The following NKAIN4 variants were observed in gnomAD, a reference collection of about 807,000 sequenced individuals.
The protein encoded by NKAIN4 is sodium/potassium transporting ATPase interacting 4, also known as sodium/potassium-transporting ATPase subunit beta-1-interacting protein 4.
In NKAIN4, 28 loss-of-function variants were observed where a neutral mutation model predicts 28.8. The ratio of observed to expected loss-of-function variants is 0.97; its 90% CI spans 0.72 to 1.33. The LOEUF (loss-of-function observed/expected upper bound fraction) is 1.33. Ranked by LOEUF, NKAIN4 falls within the 40% of genes most tolerant of loss-of-function variation. NKAIN4 has a pLI of 0.00. For missense variants in NKAIN4, 289 were observed against 277.2 expected, an observed-to-expected ratio of 1.04 and a Z score of -0.30; for synonymous variants, 122 against 115.6, an observed-to-expected ratio of 1.06 and a Z score of -0.36.
chr20:63,243,628 A>G (rs934849913), intron 5 of NKAIN4, among the ~76,000 whole-genome samples: 3 of 152,174 alleles, frequency 2.0e-5, no homozygotes, highest in Non-Finnish European at 2.9e-5. Context: ...AGATGGGTCC[A>G]GGCTGCCACC....
intron 4 of NKAIN4, among the ~76,000 whole-genome samples, chr20:63,246,297 G>A (rs1032516306): frequency 3.3e-5 from 5 of 151,096 alleles, no homozygotes. Context: ...TTGGGAAATT[G>A]GCTCTTTCTC....
intron 4 of NKAIN4, chr20:63,247,221 G>A: frequency 8.3e-7 from 1 of 1,201,760 alleles, no homozygotes. Flanking sequence ...CGCATGGATG[G>A]GTTTGTCAGG....
chr20:63,254,485 C>A (rs1351604913), upstream of NKAIN4: 1 of 1,286,844 alleles, frequency 7.8e-7, no homozygotes, highest in South Asian at 2.3e-5. Flanking sequence ...CCGGGTGCCC[C>A]GCGCTCGGCC....
chr20:63,246,524 G>T (rs115519883), intron 4 of NKAIN4: 1 of 985,294 alleles, frequency 1.0e-6, no homozygotes, highest in African/African-American at 1.7e-5. Context: ...GAGGCCACCC[G>T]CACCGTCACG....
chr20:63,241,559 T>C, intron 6 of NKAIN4, 53 bp from the exon 7 acceptor site: 2 of 1,491,642 alleles, frequency 1.3e-6, no homozygotes, highest in Non-Finnish European at 1.8e-6. Flanking sequence ...GGGCAGCCAC[T>C]GGGGGCTGCC....
upstream of NKAIN4, chr20:63,254,747 C>T (rs1344591274): frequency 3.8e-6 from 1 of 265,012 alleles, no homozygotes; most frequent in Non-Finnish European, 7.1e-6. Flanking sequence ...CCAGGACAGA[C>T]CTGCAGCTGA....
chr20:63,241,295 A>G lies in NKAIN4; in HGVS notation c.*202T>C. 1 of 556,692 alleles carries G rather than the reference A, an allele frequency of 1.8e-6. No homozygotes were observed. Among genetic ancestry groups the G allele is most frequent in the Non-Finnish European group, 3.2e-6 (1 of 311,868 alleles). The allele number at this position is 556,692 out of a possible 1,614,324, so 34.5% of individuals were successfully genotyped here. On this transcript the variant is annotated 3_prime_UTR_variant, in exon 7 of 7. Transcript: ENST00000370316. ...TTTTTTTAAGAGAAAGGAAATTACA[A>G]ACTCTCTTGACGCTGCAGCCAGCCG...
chr20:63,242,510 G>A (rs374739641), intron 6 of NKAIN4, 29 bp downstream of exon 6: 96 of 1,551,382 alleles, frequency 6.2e-5, no homozygotes, highest in African/African-American at 1.6e-4. Flanking sequence ...CAGGCTGGCC[G>A]CAGAGCAGGT....
chr20:63,254,502 C>G, upstream of NKAIN4: 1 of 1,202,552 alleles, frequency 8.3e-7, no homozygotes, highest in Non-Finnish European at 1.1e-6. Context: ...GGCCCCCGCC[C>G]CCGCTCCGCC....
At chr20:63,254,654 G>C (rs1416217374), upstream of NKAIN4, 3 of 395,266 alleles carry the variant, frequency 7.6e-6, no homozygotes, top group South Asian at 1.3e-4. Context: ...GCCCCTGGGG[G>C]CTTCGCGCCG....
Position 63,250,015 on chromosome 20 carries a change from G to C in NKAIN4, c.112C>G (p.Leu38Val), listed in dbSNP as rs745496327. The change falls in exon 2 of 7, where the codon CTG becomes GTG. Residue 38 changes from leucine to valine, a missense_variant. Physicochemically the swap from Leu to Val is conservative, Grantham distance 32 (BLOSUM62 1). Transcript: ENST00000370316. Reference sequence around the variant, plus strand: ...ATGATGATGTGGACAAAGTTGGCCAGGATGGGCGCCCACTGGTAGCCCAGG... The same window carrying C: ...ATGATGATGTGGACAAAGTTGGCCACGATGGGCGCCCACTGGTAGCCCAGG... ...DFLGYQWAPI[L>V]ANFVHIIIVI... 7.5e-6 allele frequency: 12 copies of C among 1,609,616 alleles called. No individual in the cohort carries two copies. Among genetic ancestry groups the C allele is most frequent in the Non-Finnish European group, 1.0e-5 (12 of 1,178,398 alleles).
chr20:63,243,916 C>G (rs746793206), intron 5 of NKAIN4, 108 bp downstream of exon 5: 32 of 886,842 alleles, frequency 3.6e-5, no homozygotes, highest in Non-Finnish European at 5.6e-5. Flanking sequence ...GGCGTGAGGT[C>G]CCTTCCAAGT....
At chr20:63,247,836 T>G in intron 3 of NKAIN4, 61 bp from the exon 4 acceptor site, 1 of 1,410,264 alleles carries the variant, frequency 7.1e-7, no homozygotes, top group South Asian at 1.7e-5. Flanking sequence ...CCTCACCCAC[T>G]GCAGCCTGCG....
intron 4 of NKAIN4, 24 bp downstream of exon 4, chr20:63,247,553 CG>C (rs1341578558): frequency 1.3e-6 from 2 of 1,546,358 alleles, no homozygotes; most frequent in East Asian, 2.5e-5. Context: ...CATCCCCACC[CG>C]GGGGCCCCCT....
chr20:63,244,773 G>A (rs1259860536), intron 4 of NKAIN4, among the ~76,000 whole-genome samples: 5 of 152,226 alleles, frequency 3.3e-5, no homozygotes, highest in Admixed American at 3.3e-4. Flanking sequence ...GGCAAAGGGG[G>A]GGCAGTGCTG....
chr20:63,249,395 T>C (rs2066917995), intron 2 of NKAIN4: 1 of 188,092 alleles, frequency 5.3e-6, no homozygotes, highest in East Asian at 1.3e-4. Context: ...CCACAGCACC[T>C]AAGGTATTTA....
At chr20:63,249,139 A>G in intron 2 of NKAIN4, 1 of 519,388 alleles carries the variant, frequency 1.9e-6, no homozygotes, top group Non-Finnish European at 3.5e-6. Context: ...AGCTCAAGGG[A>G]GCCCCAGCGC....
At chr20:63,251,252 G>A (rs1418815332) in intron 1 of NKAIN4, among the ~76,000 whole-genome samples, 1 of 152,152 alleles carries the variant, frequency 6.6e-6, no homozygotes, top group East Asian at 1.9e-4. Context: ...CTGTTATCTA[G>A]AAGGCAGAGC....
intron 1 of NKAIN4, among the ~76,000 whole-genome samples, chr20:63,250,533 G>A (rs1601295844): frequency 6.8e-6 from 1 of 147,274 alleles, no homozygotes; most frequent in African/African-American, 2.4e-5. Context: ...GGGTTCACAA[G>A]AGTACTGGAC....
Sources: gnomAD v4.1 joint callset for allele counts (sites outside exome capture counted in the v4.1 genomes callset) on GRCh38, gnomAD v4.1.1 for gene constraint, MANE v1.5 for transcripts, NCBI Gene and HGNC (gene_info 2026-07-23, HGNC 2026-07-21) for gene names.